Variants in GPC6 observed in about 807,000 individuals in gnomAD.
The protein encoded by GPC6 is glypican-6.
GPC6 carries 14 observed loss-of-function variants against 55.2 expected under a neutral mutation model. The observed-to-expected ratio is 0.25, with a 90% confidence interval of 0.17 to 0.40. The LOEUF (loss-of-function observed/expected upper bound fraction) is 0.40, where lower values mean the gene tolerates loss of function less well. Ranked by LOEUF, GPC6 falls within the 10% of genes least tolerant of loss-of-function variation. The pLI is 1.00. For missense variants in GPC6, 641 were observed against 708.5 expected, an observed-to-expected ratio of 0.90 and a Z score of 1.08; for synonymous variants, 278 against 259.6, an observed-to-expected ratio of 1.07 and a Z score of -0.68.
chr13:93,227,286 C>T lies in GPC6; in HGVS notation c.-171C>T. 3.5e-6 allele frequency: 2 copies of T among 578,284 alleles called. No individual in the cohort carries two copies. The highest frequency in any genetic ancestry group is 6.1e-6 in the Non-Finnish European group (2 of 329,574). 35.8% of individuals were successfully genotyped at this position (578,284 alleles called of 1,614,324 possible). Reference sequence around the variant, plus strand: ...CGTCCATCTGGCTTATAAAAGTTTGCTGAGCGCAGTCCAGAGGGCTGCGCT... The same window carrying T: ...CGTCCATCTGGCTTATAAAAGTTTGTTGAGCGCAGTCCAGAGGGCTGCGCT... On this transcript the variant is annotated 5_prime_UTR_variant, in exon 1 of 9. Coordinates refer to ENST00000377047, the MANE Select transcript of GPC6 (RefSeq NM_005708.5). This position sits in a 1 kb window ranked among gnomAD's most constrained non-coding sequence, Gnocchi z 4.3.
intron 2 of GPC6, among the ~76,000 whole-genome samples, chr13:93,590,592 A>G (rs77031118): frequency 4.3e-4 from 66 of 152,230 alleles, no homozygotes; most frequent in African/African-American, 1.5e-3. Flanking sequence ...TTCGATAACA[A>G]TAAGTTTTTT....
intron 3 of GPC6, among the ~76,000 whole-genome samples, chr13:93,995,469 A>G (rs1223303927): frequency 6.6e-6 from 1 of 152,166 alleles, no homozygotes; most frequent in Non-Finnish European, 1.5e-5. Flanking sequence ...ATAACAGGCA[A>G]GAGCCACCGC....
chr13:94,181,053 T>A (rs1437331403), intron 4 of GPC6, among the ~76,000 whole-genome samples: 2 of 152,158 alleles, frequency 1.3e-5, no homozygotes, highest in East Asian at 3.9e-4. Context: ...AACCTGCAGT[T>A]TGGCATTAGT....
At chr13:94,088,639 T>C (rs1224940047) in intron 4 of GPC6, among the ~76,000 whole-genome samples, 16 of 151,740 alleles carry the variant, frequency 1.1e-4, no homozygotes, top group Non-Finnish European at 2.9e-5. Flanking sequence ...TTAGCTACTA[T>C]AGCCTCTTCT....
chr13:93,375,001 T>C (rs2139196080), intron 1 of GPC6, among the ~76,000 whole-genome samples: 1 of 152,324 alleles, frequency 6.6e-6, no homozygotes, highest in South Asian at 2.1e-4. Context: ...AATTAGCAAC[T>C]ATAGTCATTG....
chr13:93,340,008 AAAAC>A (rs1028696779), intron 1 of GPC6, among the ~76,000 whole-genome samples: 2 of 151,244 alleles, frequency 1.3e-5, no homozygotes, highest in African/African-American at 2.4e-5. Flanking sequence ...TTCAAAAACA[AAAAC>A]AAAAGTTTTC....
At chr13:94,052,475 T>C (rs1357529414) in intron 4 of GPC6, among the ~76,000 whole-genome samples, 1 of 151,978 alleles carries the variant, frequency 6.6e-6, no homozygotes, top group Non-Finnish European at 1.5e-5. Context: ...TGCTGTGGAG[T>C]TGATATATTT....
At chr13:93,219,677 A>G in the GPC6 span, among the ~76,000 whole-genome samples, 1 of 152,192 alleles carries the variant, frequency 6.6e-6, no homozygotes. Context: ...AACTTCTCAA[A>G]TTAAAAGCTT....
At chr13:93,728,486 C>A (rs1883719249) in intron 2 of GPC6, among the ~76,000 whole-genome samples, 1 of 151,298 alleles carries the variant, frequency 6.6e-6, no homozygotes, top group African/African-American at 2.4e-5. Flanking sequence ...AGTGATCAAC[C>A]CACTTTGGCT....
intron 1 of GPC6, among the ~76,000 whole-genome samples, chr13:93,457,713 T>C (rs117158641): frequency 0.017 from 2,535 of 147,664 alleles, 42 homozygotes; most frequent in Non-Finnish European, 0.029. Context: ...TGTATCACAT[T>C]CCTCACTTAA....
rs188567173 is a variant in GPC6 at position 93,692,272 on chromosome 13, C to T, written c.320-137882C>T. On this transcript the variant is annotated intron_variant, in intron 2 of 8. Coordinates refer to ENST00000377047, the MANE Select transcript of GPC6 (RefSeq NM_005708.5). Reference sequence around the variant, plus strand: ...AAATTATGTTCCCAGATTTATTTCCCGTAATTTAAGAAATTTCATGTTCAG... The same window carrying T: ...AAATTATGTTCCCAGATTTATTTCCTGTAATTTAAGAAATTTCATGTTCAG... 4.6e-5 allele frequency among the ~76,000 whole-genome samples: 7 copies of T among 151,922 alleles called. No homozygotes were observed. The East Asian group carries it at 1.2e-3, about 25-fold the overall frequency.
At chr13:93,283,295 G>C (rs896700804) in intron 1 of GPC6, among the ~76,000 whole-genome samples, 1 of 152,142 alleles carries the variant, frequency 6.6e-6, no homozygotes, top group Non-Finnish European at 1.5e-5. Context: ...TCATAGAAAA[G>C]AGCTAAAAAC....
chr13:94,043,711 A>T (rs1291340133), intron 4 of GPC6, among the ~76,000 whole-genome samples: 1 of 151,848 alleles, frequency 6.6e-6, no homozygotes, highest in Non-Finnish European at 1.5e-5. Flanking sequence ...TCTGCAATAT[A>T]TTAACATATT....
intron 1 of GPC6, among the ~76,000 whole-genome samples, chr13:93,512,266 A>G (rs1301319449): frequency 6.6e-6 from 1 of 152,070 alleles, no homozygotes; most frequent in Non-Finnish European, 1.5e-5. Context: ...TTCTGACAGG[A>G]AAGGATTTCA....
rs1277965972 is a variant in GPC6 at position 93,423,452 on chromosome 13, A to AT, written c.161-121805dup. ...GAATGTCTAGAAACACTGTTTCAGA[A>AT]TTTTTTCCTTTTTATTTACATCCAG... On this transcript the variant is annotated intron_variant, in intron 1 of 8. Coordinates refer to ENST00000377047, the MANE Select transcript of GPC6 (RefSeq NM_005708.5). 2.6e-5 allele frequency among the ~76,000 whole-genome samples: 4 copies of AT among 152,296 alleles called. No homozygotes were observed. The East Asian group carries it at 7.7e-4, about 29-fold the overall frequency.
At chr13:93,973,169 C>A (rs1264190913) in intron 3 of GPC6, among the ~76,000 whole-genome samples, 2 of 152,172 alleles carry the variant, frequency 1.3e-5, no homozygotes, top group Admixed American at 1.3e-4. Flanking sequence ...CTACTACACA[C>A]CTAGGCTATG....
At chr13:93,322,431 C>CT (rs71272281) in intron 1 of GPC6, among the ~76,000 whole-genome samples, 8,110 of 96,772 alleles carry the variant, frequency 0.084, 455 homozygotes, top group East Asian at 0.2. Flanking sequence ...TTTCTTTCTT[C>CT]TTTTTTTTTT....
intron 4 of GPC6, among the ~76,000 whole-genome samples, chr13:94,149,765 C>G (rs1887675049): frequency 6.6e-6 from 1 of 152,002 alleles, no homozygotes; most frequent in Admixed American, 6.6e-5. Context: ...GTTAATACAT[C>G]CCAGTTGGCC....
At chr13:94,225,409 A>G (rs772180306) in intron 4 of GPC6, among the ~76,000 whole-genome samples, 2 of 152,098 alleles carry the variant, frequency 1.3e-5, no homozygotes, top group Non-Finnish European at 2.9e-5. Context: ...ATGTTGGCAG[A>G]ATTCACATTA....
Sources: allele counts gnomAD v4.1 joint callset (sites outside exome capture counted in the v4.1 genomes callset), GRCh38; gene constraint gnomAD v4.1.1; non-coding constraint Gnocchi (gnomAD v3.1); transcripts MANE v1.5; gene names NCBI Gene and HGNC (gene_info 2026-07-23, HGNC 2026-07-21).